Variants in ARHGAP35 observed in about 807,000 individuals in gnomAD.
The protein encoded by ARHGAP35 is rho GTPase-activating protein 35.
A neutral mutation model predicts 111.1 loss-of-function variants in ARHGAP35; 15 were observed. The observed-to-expected ratio is 0.13, with a 90% CI of 0.09 to 0.21. The LOEUF is 0.21. ARHGAP35 is among the 10% of genes least tolerant of loss of function. The pLI is 1.00. For synonymous variants in ARHGAP35, 643 were observed against 710.3 expected, an observed-to-expected ratio of 0.91 and a Z score of 1.51; for missense variants, 1,262 against 1,873.0, an observed-to-expected ratio of 0.67 and a Z score of 6.02.
intron 3 of ARHGAP35, among the ~76,000 whole-genome samples, chr19:46,956,186 C>T (rs1428703215): frequency 2.6e-5 from 4 of 152,102 alleles, no homozygotes; most frequent in African/African-American, 4.8e-5. Flanking sequence ...CGTGTGGTGG[C>T]GTGCACCTGT....
Position 46,861,156 on chromosome 19 carries a change from C to A in ARHGAP35, c.-242C>A, listed in dbSNP as rs1177523309. Among the ~76,000 whole-genome samples, 1 of 151,724 alleles carries A rather than the reference C, an allele frequency of 6.6e-6. No individual in the cohort carries two copies. Among genetic ancestry groups the A allele is most frequent in the African/African-American group, 2.4e-5 (1 of 41,380 alleles). On this transcript the variant is annotated 5_prime_UTR_variant, in exon 1 of 7. Coordinates refer to ENST00000672722, the MANE Select transcript of ARHGAP35 (RefSeq NM_004491.5). Reference sequence around the variant, plus strand: ...CAGGGGAACATGGCGCCGGGGCCCCCGTCGTTGCTGCCGGGATTTTGGAGG... The same window carrying A: ...CAGGGGAACATGGCGCCGGGGCCCCAGTCGTTGCTGCCGGGATTTTGGAGG...
At chr19:46,959,510 CTCCT>C (rs1310686527) in intron 3 of ARHGAP35, among the ~76,000 whole-genome samples, 1 of 151,846 alleles carries the variant, frequency 6.6e-6, no homozygotes, top group Admixed American at 6.6e-5. Flanking sequence ...AGCAATTCTC[CTCCT>C]TCAGCCTCCC....
intron 1 of ARHGAP35, among the ~76,000 whole-genome samples, chr19:46,883,532 CA>C (rs2055976456): frequency 6.6e-6 from 1 of 152,064 alleles, no homozygotes; most frequent in Admixed American, 6.6e-5. Flanking sequence ...AAATCAATTG[CA>C]ATATTAACAG....
intron 1 of ARHGAP35, among the ~76,000 whole-genome samples, chr19:46,869,498 G>GCAT: frequency 6.7e-6 from 1 of 149,828 alleles, no homozygotes; most frequent in East Asian, 1.9e-4. Context: ...GTGTGTGTGT[G>GCAT]TGTGTGTGTG....
rs767250329 is a variant in ARHGAP35 at position 46,956,956 on chromosome 19, C to CCT, written c.3826+19548_3826+19549insCT. Reference sequence around the variant, plus strand: ...TATCATTAGCTGTTCTTAAAGCAGACTTTTTTTTTTTTTTTTTTTTTGAGA... The same window carrying CCT: ...TATCATTAGCTGTTCTTAAAGCAGACCTTTTTTTTTTTTTTTTTTTTTTGAGA... On this transcript the variant is annotated intron_variant, in intron 3 of 6. Transcript: ENST00000672722. 1.9e-3 allele frequency among the ~76,000 whole-genome samples: 207 copies of CCT among 107,596 alleles called. 1 individual carries two copies. Among genetic ancestry groups the CCT allele is most frequent in the Middle Eastern group, 7.0e-3 (1 of 142 alleles). 70.6% of individuals were successfully genotyped at this position (107,596 alleles called of 152,430 possible).
At chr19:46,991,946 C>A (rs1236307711) in intron 5 of ARHGAP35, among the ~76,000 whole-genome samples, 2 of 152,222 alleles carry the variant, frequency 1.3e-5, no homozygotes, top group African/African-American at 4.8e-5. Context: ...CCCATCACAA[C>A]AAATATCAAG....
Position 46,918,712 on chromosome 19 carries a change from A to C in ARHGAP35, c.37A>C (p.Thr13Pro). ...AAGAAAGCAAGATGTCCGAATTCCC[A>C]CCTACAACATCAGTGTGGTGGGATT... is the stretch of plus-strand genomic sequence containing the variant. ...MARKQDVRIPTYNISVVGLSG... is the reference protein window; with the variant it reads ...MARKQDVRIPPYNISVVGLSG... Residue 13 changes from threonine (T) to proline (P), a missense_variant, in exon 2 of 7, where the codon ACC (threonine) becomes CCC (proline). Coordinates refer to ENST00000672722, the MANE Select transcript of ARHGAP35 (RefSeq NM_004491.5). The surrounding 1 kb of genome is among the most constrained non-coding windows in gnomAD (Gnocchi z 5.4). 1 of 1,613,696 alleles carries C rather than the reference A, an allele frequency of 6.2e-7. No individual in the cohort carries two copies. The highest frequency in any genetic ancestry group is 8.5e-7 in the Non-Finnish European group (1 of 1,179,666).
chr19:46,987,198 CT>C (rs907353704), intron 3 of ARHGAP35, among the ~76,000 whole-genome samples: 83 of 138,970 alleles, frequency 6.0e-4, no homozygotes, highest in Admixed American at 1.1e-3. Context: ...CCCTGTATCA[CT>C]TTTTTTTTTC....
At position 46,922,465 on chromosome 19, in the gene ARHGAP35, C is replaced by T; in HGVS notation, c.3681+109C>T. On this transcript the variant is annotated intron_variant, in intron 2 of 6. Coordinates refer to ENST00000672722, the MANE Select transcript of ARHGAP35 (RefSeq NM_004491.5). This position sits in a 1 kb window ranked among gnomAD's most constrained non-coding sequence, Gnocchi z 4.0. ...CCTATTCTGGTAAAAAAAAAACTGC[C>T]CTGTGTGTGTATTTGACTTAACATA... 2 of 1,065,486 alleles carry T rather than the reference C, an allele frequency of 1.9e-6. No homozygotes were observed. Among genetic ancestry groups the T allele is most frequent in the Non-Finnish European group, 2.6e-6 (2 of 769,474 alleles). 66.0% of individuals were successfully genotyped at this position (1,065,486 alleles called of 1,614,324 possible).
chr19:46,933,721 C>T (rs540197633), intron 2 of ARHGAP35, among the ~76,000 whole-genome samples: 3 of 152,138 alleles, frequency 2.0e-5, no homozygotes, highest in African/African-American at 7.2e-5. Context: ...TTTGGGAGTC[C>T]GAGGCAGGAG....
intron 3 of ARHGAP35, among the ~76,000 whole-genome samples, chr19:46,954,506 G>C (rs553237344): frequency 6.6e-6 from 1 of 152,364 alleles, no homozygotes; most frequent in African/African-American, 2.4e-5. Flanking sequence ...GCCGTGGTCT[G>C]AAGAGATGAG....
rs1036686999 is a variant in ARHGAP35, at chr19:46,993,559, G to A, written c.4036+3884G>A. On this transcript the variant is annotated intron_variant, in intron 5 of 6. Transcript: ENST00000672722. This position sits in a 1 kb window ranked among gnomAD's most constrained non-coding sequence, Gnocchi z 4.6. ...TTGTAAGAGGTATGGGAAGCTAATC[G>A]GTAAGGTCCCTGTGCCCTCTGTCTG... Among the ~76,000 whole-genome samples the A allele has an allele frequency of 2.0e-5, 3 of 152,184 alleles. No individual in the cohort carries two copies. Among genetic ancestry groups the A allele is most frequent in the Non-Finnish European group, 4.4e-5 (3 of 68,030 alleles).
rs939785444 is a variant in ARHGAP35 at position 46,994,551 on chromosome 19, G to C, written c.4037-4753G>C. On this transcript the variant is annotated intron_variant, in intron 5 of 6. Coordinates refer to ENST00000672722, the MANE Select transcript of ARHGAP35 (RefSeq NM_004491.5). The surrounding 1 kb of genome is among the most constrained non-coding windows in gnomAD (Gnocchi z 5.4). ...GATAGCCCAGTCAGCACCGTGCTCA[G>C]CAAGTAGCAGCCAGCCAGAGGCGCC... is the stretch of plus-strand genomic sequence containing the variant. Among the ~76,000 whole-genome samples, 1 of 152,190 alleles carries C rather than the reference G, an allele frequency of 6.6e-6. No individual in the cohort carries two copies. The highest frequency in any genetic ancestry group is 2.1e-4 in the South Asian group (1 of 4,824).
At chr19:46,902,458 T>G (rs1388174347) in intron 1 of ARHGAP35, among the ~76,000 whole-genome samples, 1 of 152,154 alleles carries the variant, frequency 6.6e-6, no homozygotes, top group African/African-American at 2.4e-5. Flanking sequence ...AATGCAGGTT[T>G]GGGTTAGGGG....
At chr19:46,982,092 C>T (rs1419950725) in intron 3 of ARHGAP35, among the ~76,000 whole-genome samples, 1 of 152,116 alleles carries the variant, frequency 6.6e-6, no homozygotes, top group African/African-American at 2.4e-5. Context: ...AAGCAATCCT[C>T]CCGCCTTGGC....
At chr19:46,931,067 G>T (rs1211622851) in intron 2 of ARHGAP35, among the ~76,000 whole-genome samples, 1 of 152,068 alleles carries the variant, frequency 6.6e-6, no homozygotes, top group Non-Finnish European at 1.5e-5. Context: ...TTTTTAAAAG[G>T]CTTATGATAT....
At chr19:46,885,306 A>C (rs996113786) in intron 1 of ARHGAP35, among the ~76,000 whole-genome samples, 1 of 152,194 alleles carries the variant, frequency 6.6e-6, no homozygotes, top group Non-Finnish European at 1.5e-5. Context: ...TCTTTTCTAT[A>C]TGCCAGGCAC....
In ARHGAP35 at chr19:46,921,669, A is replaced by G; in HGVS notation, c.2994A>G (p.Glu998=). 2 of 1,614,000 alleles carry G rather than the reference A, an allele frequency of 1.2e-6. No individual in the cohort carries two copies. Among genetic ancestry groups the G allele is most frequent in the South Asian group, 1.1e-5 (1 of 91,072 alleles). ...DIEPSYSLFR[E]DTSLPSLSKD... ...AGCCATCTTACAGCCTGTTTCGAGA[A>G]GACACATCACTGCCTTCTCTGTCCA... The change falls in exon 2 of 7, where the codon GAA becomes GAG. Residue 998 remains glutamate, a synonymous_variant. Transcript: ENST00000672722. The surrounding 1 kb of genome is among the most constrained non-coding windows in gnomAD (Gnocchi z 4.3).
At chr19:46,980,860 T>G (rs1486600809) in intron 3 of ARHGAP35, among the ~76,000 whole-genome samples, 1 of 152,212 alleles carries the variant, frequency 6.6e-6, no homozygotes, top group African/African-American at 2.4e-5. Flanking sequence ...AGCTACTCTC[T>G]CAGCACTAAG....
Sources: gnomAD v4.1 joint callset for allele counts (sites outside exome capture counted in the v4.1 genomes callset) on GRCh38, gnomAD v4.1.1 for gene constraint, Gnocchi (gnomAD v3.1) non-coding constraint, MANE v1.5 for transcripts, NCBI Gene and HGNC (gene_info 2026-07-23, HGNC 2026-07-21) for gene names.